FNDC3B: variants seen among roughly 807,000 people sequenced by gnomAD.
The protein encoded by FNDC3B is fibronectin type III domain-containing protein 3B.
Under a neutral mutation model 151.5 loss-of-function variants are expected in FNDC3B, and 12 were observed. That is an observed-to-expected ratio of 0.08 (90% CI 0.05 to 0.13). FNDC3B has a LOEUF of 0.13. Among genes scored for constraint, FNDC3B ranks in the 10% least tolerant of loss-of-function variants. The pLI is 1.00. For synonymous variants in FNDC3B, 528 were observed against 549.0 expected, an observed-to-expected ratio of 0.96 and a Z score of 0.54; for missense variants, 1,214 against 1,505.3, an observed-to-expected ratio of 0.81 and a Z score of 3.20.
At chr3:172,223,765 T>G (rs925106586) in intron 3 of FNDC3B, among the ~76,000 whole-genome samples, 1 of 152,200 alleles carries the variant, frequency 6.6e-6, no homozygotes, top group Non-Finnish European at 1.5e-5. Context: ...TTAAAAAGCT[T>G]TACTACTTGT....
intron 1 of FNDC3B, among the ~76,000 whole-genome samples, chr3:172,063,380 A>G (rs1310682061): frequency 2.6e-5 from 4 of 152,164 alleles, no homozygotes; most frequent in African/African-American, 9.7e-5. Flanking sequence ...TGATAGTGAT[A>G]TCTGCCTTGG....
At chr3:172,215,464 C>T (rs553841044) in intron 3 of FNDC3B, among the ~76,000 whole-genome samples, 36 of 152,340 alleles carry the variant, frequency 2.4e-4, no homozygotes, top group Admixed American at 1.4e-3. Flanking sequence ...TGGCTCACGC[C>T]TGTTATCCCA....
At chr3:172,301,989 G>A (rs1429724387) in intron 9 of FNDC3B, 3 of 152,154 alleles carry the variant, frequency 2.0e-5, no homozygotes, top group African/African-American at 7.2e-5. Flanking sequence ...ACAAAACAAG[G>A]TACATTTTTT....
intron 3 of FNDC3B, among the ~76,000 whole-genome samples, chr3:172,174,811 TTATC>T (rs1203222673): frequency 6.6e-6 from 1 of 152,028 alleles, no homozygotes; most frequent in Non-Finnish European, 1.5e-5. Flanking sequence ...AGTATGATGT[TTATC>T]TAGCTGCTGT....
At chr3:172,382,211 T>G (rs999120982) in intron 25 of FNDC3B, among the ~76,000 whole-genome samples, 13 of 152,256 alleles carry the variant, frequency 8.5e-5, no homozygotes, top group Non-Finnish European at 1.8e-4. Flanking sequence ...TTTGCATTTC[T>G]CTAATGACAA....
intron 9 of FNDC3B, among the ~76,000 whole-genome samples, chr3:172,305,398 G>C (rs968864913): frequency 6.6e-6 from 1 of 152,094 alleles, no homozygotes; most frequent in African/African-American, 2.4e-5. Context: ...CAACTTGTTT[G>C]TTAGATTAAT....
chr3:172,208,791 C>T (rs545858796), intron 3 of FNDC3B, among the ~76,000 whole-genome samples: 28 of 152,050 alleles, frequency 1.8e-4, no homozygotes, highest in East Asian at 3.9e-4. Flanking sequence ...CACGGAGCGG[C>T]GAGGGGTGTC....
intron 2 of FNDC3B, among the ~76,000 whole-genome samples, chr3:172,123,600 A>G (rs1312893602): frequency 6.6e-6 from 1 of 152,166 alleles, no homozygotes; most frequent in Non-Finnish European, 1.5e-5. Context: ...GCTTTAATTA[A>G]TGATGTTGTT....
At chr3:172,066,312 C>T (rs909096484) in intron 1 of FNDC3B, among the ~76,000 whole-genome samples, 3 of 152,300 alleles carry the variant, frequency 2.0e-5, no homozygotes, top group South Asian at 4.1e-4. Context: ...GGCATTAGAG[C>T]ATCTTAAATT....
chr3:172,382,466 G>C (rs1168358340), intron 25 of FNDC3B, among the ~76,000 whole-genome samples: 1 of 152,124 alleles, frequency 6.6e-6, no homozygotes, highest in Non-Finnish European at 1.5e-5. Context: ...AAGCTCTTTA[G>C]TTTAATTAGA....
intron 7 of FNDC3B, among the ~76,000 whole-genome samples, chr3:172,292,597 A>G (rs1198971557): frequency 6.6e-6 from 1 of 152,206 alleles, no homozygotes; most frequent in Non-Finnish European, 1.5e-5. Flanking sequence ...ATTTTGAGAC[A>G]TGGTTATTTC....
intron 7 of FNDC3B, among the ~76,000 whole-genome samples, chr3:172,286,938 A>C (rs1730052103): frequency 6.6e-6 from 1 of 152,148 alleles, no homozygotes. Context: ...ATGGGAGTCA[A>C]AATTAGGGTG....
chr3:172,165,011 T>C (rs967703299), intron 3 of FNDC3B, among the ~76,000 whole-genome samples: 16 of 152,212 alleles, frequency 1.1e-4, no homozygotes, highest in African/African-American at 3.9e-4. Flanking sequence ...GGAATAGTTA[T>C]GGTTTTATTT....
Position 172,226,760 on chromosome 3 carries a change from A to G in FNDC3B, c.188-111A>G, listed in dbSNP as rs1313121651. 4.3e-6 allele frequency: 3 copies of G among 695,516 alleles called. No individual in the cohort carries two copies. In the African/African-American group the frequency reaches 5.3e-5, roughly 12 times the overall value. The allele number at this position is 695,516 out of a possible 1,614,324, so 43.1% of individuals were successfully genotyped here. The stretch of plus-strand genomic sequence containing the variant: ...CAATATATACCAACTTTTGAAGAGC[A>G]AATTGTCAAAGTCATTAATTATCTT... On this transcript the variant is annotated intron_variant, in intron 3 of 25. Transcript: ENST00000415807.
At chr3:172,288,014 C>G (rs1730117135) in intron 7 of FNDC3B, among the ~76,000 whole-genome samples, 1 of 152,222 alleles carries the variant, frequency 6.6e-6, no homozygotes, top group Non-Finnish European at 1.5e-5. Context: ...GTACCCATCG[C>G]AGAGAATTGG....
At chr3:172,164,196 A>G (rs546985029) in intron 3 of FNDC3B, among the ~76,000 whole-genome samples, 141 of 152,306 alleles carry the variant, frequency 9.3e-4, no homozygotes, top group Non-Finnish European at 1.5e-3. Context: ...TTTTGATCCT[A>G]TGGTTTTATC....
At chr3:172,317,679 A>G (rs1474959420) in intron 11 of FNDC3B, among the ~76,000 whole-genome samples, 1 of 152,238 alleles carries the variant, frequency 6.6e-6, no homozygotes, top group Non-Finnish European at 1.5e-5. Context: ...CAGTGTAACG[A>G]TTGTTCCATA....
rs1165517928 is a variant in FNDC3B at position 172,251,557 on chromosome 3, T to A, written c.790+16T>A. ...GACTTGCAAGGTAATACTCAAGATG[T>A]TTGCCATAGAGTGAATTATCAAGAC... On this transcript the variant is annotated intron_variant, in intron 6 of 25. Transcript: ENST00000415807. 1.9e-6 allele frequency: 3 copies of A among 1,592,564 alleles called. No homozygotes were observed. Among genetic ancestry groups the A allele is most frequent in the Admixed American group, 1.7e-5 (1 of 58,386 alleles).
intron 2 of FNDC3B, among the ~76,000 whole-genome samples, chr3:172,120,575 G>GT (rs1553763311): frequency 7.5e-4 from 114 of 151,396 alleles, no homozygotes; most frequent in African/African-American, 2.5e-3. Flanking sequence ...CATGGGGGGG[G>GT]GTGTGTGTGT....
Sources: allele counts gnomAD v4.1 joint callset (sites outside exome capture counted in the v4.1 genomes callset), GRCh38; gene constraint gnomAD v4.1.1; transcripts MANE v1.5; gene names NCBI Gene and HGNC (gene_info 2026-07-23, HGNC 2026-07-21).